SCN2A: variants seen among roughly 807,000 people sequenced by gnomAD.
SCN2A encodes the protein sodium channel protein type 2 subunit alpha.
SCN2A carries 20 observed loss-of-function variants against 188.7 expected under a neutral mutation model. That is an observed-to-expected ratio of 0.11 (90% CI 0.07 to 0.15). SCN2A has a LOEUF of 0.15. Ranked by LOEUF, SCN2A falls within the 10% of genes least tolerant of loss-of-function variation. The probability of loss-of-function intolerance (pLI) is 1.00; values close to 1 mark genes in which losing one functional copy is unlikely to be tolerated. For missense variants in SCN2A, 1,278 were observed against 2,445.0 expected, an observed-to-expected ratio of 0.52 and a Z score of 10.07; for synonymous variants, 804 against 833.1, an observed-to-expected ratio of 0.97 and a Z score of 0.60.
At chr2:165,278,199 T>C (rs1348110445) in intron 1 of SCN2A, among the ~76,000 whole-genome samples, 1 of 152,178 alleles carries the variant, frequency 6.6e-6, no homozygotes, top group Admixed American at 6.5e-5. Context: ...TAGAAGACCG[T>C]GAGCACATTA....
intron 1 of SCN2A, among the ~76,000 whole-genome samples, chr2:165,243,172 C>G (rs1036439640): frequency 6.6e-6 from 1 of 152,158 alleles, no homozygotes; most frequent in Non-Finnish European, 1.5e-5. Context: ...TTGAATTAGG[C>G]CAACACATAT....
intron 14 of SCN2A, 103 bp downstream of exon 14, chr2:165,331,671 T>C (rs1574611514): frequency 3.2e-6 from 3 of 923,454 alleles, no homozygotes; most frequent in East Asian, 5.2e-5. Context: ...ATTGGCCATG[T>C]ATATCTTGAC....
At chr2:165,315,001 C>T (rs906132451) in intron 10 of SCN2A, among the ~76,000 whole-genome samples, 2 of 152,050 alleles carry the variant, frequency 1.3e-5, no homozygotes, top group South Asian at 2.1e-4. Context: ...ATTTAAATCA[C>T]GGAGAAAAAT....
At chr2:165,344,494 T>TA in intron 15 of SCN2A, 61 bp from the exon 16 acceptor site, 1 of 1,077,830 alleles carries the variant, frequency 9.3e-7, no homozygotes, top group South Asian at 3.0e-5. Context: ...AAAAATAAAA[T>TA]AAAATTGCAG....
At chr2:165,321,112 T>A (rs2105272304) in intron 11 of SCN2A, among the ~76,000 whole-genome samples, 1 of 152,314 alleles carries the variant, frequency 6.6e-6, no homozygotes, top group East Asian at 1.9e-4. Flanking sequence ...CCAGATACTC[T>A]AAATCATCTC....
chr2:165,386,013 A>G (rs908640646), intron 25 of SCN2A, among the ~76,000 whole-genome samples: 5 of 152,220 alleles, frequency 3.3e-5, no homozygotes, highest in African/African-American at 1.2e-4. Flanking sequence ...TATAAATAAA[A>G]CAAATACATT....
intron 22 of SCN2A, among the ~76,000 whole-genome samples, chr2:165,376,066 G>T (rs1292018514): frequency 6.6e-6 from 1 of 151,700 alleles, no homozygotes; most frequent in Non-Finnish European, 1.5e-5. Flanking sequence ...GGGAGATGTT[G>T]GTCAAAGGAT....
intron 19 of SCN2A, 46 bp from the exon 20 acceptor site, chr2:165,370,080 A>C (rs759088434): frequency 6.5e-7 from 1 of 1,528,700 alleles, no homozygotes; most frequent in Non-Finnish European, 9.1e-7. Flanking sequence ...CATCAATTAG[A>C]GACTGTTTCT....
chr2:165,270,441 T>G (rs545512158), intron 1 of SCN2A: 1 of 152,220 alleles, frequency 6.6e-6, no homozygotes, highest in Non-Finnish European at 1.5e-5. Flanking sequence ...CATTGATAAT[T>G]TATAATATTT....
chr2:165,336,614 A>G (rs1699006592), intron 14 of SCN2A, among the ~76,000 whole-genome samples: 1 of 152,026 alleles, frequency 6.6e-6, no homozygotes. Flanking sequence ...ACTAATGGGT[A>G]TGCAGCTTCT....
At chr2:165,288,731 C>CGT (rs1559338436) in intron 1 of SCN2A, among the ~76,000 whole-genome samples, 47 of 132,298 alleles carry the variant, frequency 3.6e-4, no homozygotes, top group Admixed American at 1.1e-3. Context: ...GATACATATA[C>CGT]ATGTGTGTGT....
At chr2:165,382,660 GA>G in intron 25 of SCN2A, among the ~76,000 whole-genome samples, 1 of 152,184 alleles carries the variant, frequency 6.6e-6, no homozygotes, top group Non-Finnish European at 1.5e-5. Context: ...AAATAACAGA[GA>G]ATCTAAAATA....
chr2:165,240,701 G>C (rs577084267), intron 1 of SCN2A, among the ~76,000 whole-genome samples: 1 of 149,786 alleles, frequency 6.7e-6, no homozygotes, highest in East Asian at 2.0e-4. Context: ...GTGTGATGGT[G>C]GAGGTGGCAG....
chr2:165,340,503 G>C (rs1304444962), intron 14 of SCN2A, among the ~76,000 whole-genome samples: 1 of 152,172 alleles, frequency 6.6e-6, no homozygotes, highest in Non-Finnish European at 1.5e-5. Context: ...ATGAATTTTG[G>C]ACCTGTTGAA....
rs1559351963 is a variant in SCN2A at position 165,308,723 on chromosome 2, C to T, written c.534C>T (p.Gly178=). 1.2e-6 allele frequency: 2 copies of T among 1,612,532 alleles called. No individual in the cohort carries two copies. The highest frequency in any genetic ancestry group is 1.3e-5 in the African/African-American group (1 of 74,960). ...FESLIKILAR[G]FCLEDFTFLR... is the part of the protein sequence containing the mutation. ...CACTTATTAAAATACTTGCAAGGGG[C>T]TTTTGTTTAGAAGATTTCACATTTT... is the stretch of plus-strand genomic sequence containing the variant. The change falls in exon 5 of 27, where the codon GGC becomes GGT. Residue 178 remains glycine, a synonymous_variant. Transcript: ENST00000375437.
At chr2:165,374,652 T>A (rs369655538) in intron 21 of SCN2A, 33 bp from the exon 22 acceptor site, 24 of 1,604,034 alleles carry the variant, frequency 1.5e-5, no homozygotes, top group Non-Finnish European at 2.0e-5. Context: ...GTTGTTGGCT[T>A]TTCACTTATT....
At chr2:165,387,810 G>C (rs1701951539) in intron 26 of SCN2A, among the ~76,000 whole-genome samples, 1 of 152,054 alleles carries the variant, frequency 6.6e-6, no homozygotes, top group Admixed American at 6.6e-5. Flanking sequence ...TAGTCGAATA[G>C]AACATTGTAA....
intron 26 of SCN2A, 137 bp downstream of exon 26, chr2:165,387,153 GT>G: frequency 1.1e-6 from 1 of 878,414 alleles, no homozygotes. Context: ...CATTGTTTTA[GT>G]TTTAGTTTGC....
rs35247335 is a variant in SCN2A, at chr2:165,240,659, C to CTGTGTGTGTGTGTGTGTGTGTG, written c.-52+1034_-52+1055dup. On this transcript the variant is annotated intron_variant, in intron 1 of 26. Transcript: ENST00000375437. ...TCACTTCTTTCTCCTGTGGAAAGAG[C>CTGTGTGTGTGTGTGTGTGTGTG]TGTGTGTGTGTGTGTGTGTGTGTGT... Among the ~76,000 whole-genome samples the CTGTGTGTGTGTGTGTGTGTGTG allele has an allele frequency of 2.9e-3, 399 of 136,448 alleles. 5 individuals are homozygous for CTGTGTGTGTGTGTGTGTGTGTG. Among genetic ancestry groups the CTGTGTGTGTGTGTGTGTGTGTG allele is most frequent in the Middle Eastern group, 0.012 (3 of 246 alleles). The allele number at this position is 136,448 out of a possible 152,430, so 89.5% of individuals were successfully genotyped here. A position where few individuals can be genotyped will look rare whatever the true frequency, so the allele number is the denominator to read the frequency against.
Sources: allele counts gnomAD v4.1 joint callset (sites outside exome capture counted in the v4.1 genomes callset), GRCh38; gene constraint gnomAD v4.1.1; transcripts MANE v1.5; gene names NCBI Gene and HGNC (gene_info 2026-07-23, HGNC 2026-07-21).